Variants in THADA observed in about 807,000 individuals in gnomAD.
THADA encodes the protein tRNA (32-2'-O)-methyltransferase regulator THADA.
Under a neutral mutation model 219.8 loss-of-function variants are expected in THADA, and 213 were observed. The observed-to-expected ratio is 0.97, with a 90% CI of 0.87 to 1.09. The LOEUF (loss-of-function observed/expected upper bound fraction) is 1.09, where lower values mean the gene tolerates loss of function less well. Ranked by LOEUF, THADA falls within the 50% of genes least tolerant of loss-of-function variation. The probability of loss-of-function intolerance (pLI) is 0.00; values close to 1 mark genes in which losing one functional copy is unlikely to be tolerated. For missense variants in THADA, 2,956 were observed against 2,311.3 expected (o/e 1.28, Z -5.72); for synonymous variants, 1,018 against 828.9 (o/e 1.23, Z -3.92).
chr2:43,336,575 ATT>A (rs900492489), intron 30 of THADA, among the ~76,000 whole-genome samples: 39 of 146,764 alleles, frequency 2.7e-4, no homozygotes, highest in African/African-American at 8.9e-4. Context: ...CTCGTCCCCA[ATT>A]TTTTTTTTTT....
chr2:43,388,675 T>A (rs564361348), intron 29 of THADA, among the ~76,000 whole-genome samples: 5 of 152,346 alleles, frequency 3.3e-5, no homozygotes, highest in African/African-American at 9.6e-5. Context: ...TCAGCTCTTA[T>A]AATCTTTAAC....
At chr2:43,435,633 A>AT (rs1679991197) in intron 26 of THADA, among the ~76,000 whole-genome samples, 1 of 151,820 alleles carries the variant, frequency 6.6e-6, no homozygotes, top group African/African-American at 2.4e-5. Flanking sequence ...AAATACAAAA[A>AT]TTAGCCAGTT....
At position 43,430,269 on chromosome 2, in the gene THADA, TG is replaced by T; in HGVS notation, c.3869del (p.Pro1290GlnfsTer14). ...GTTTGAGAAGAAAAGGATAGAGTTC[TG>T]GGAAACGAGAGAAAAACTCTCTCCC... is the stretch of plus-strand genomic sequence containing the variant. ...MTGREFFSRF[P>X]ELYPFLLKQL... On this transcript the variant is annotated frameshift_variant, in exon 27 of 38. Coordinates refer to ENST00000405975, the MANE Select transcript of THADA (RefSeq NM_022065.5). LOFTEE classifies it high-confidence loss of function. 1 of 1,551,564 alleles carries T rather than the reference TG, an allele frequency of 6.4e-7. No homozygotes were observed. Among genetic ancestry groups the T allele is most frequent in the Non-Finnish European group, 8.7e-7 (1 of 1,147,228 alleles).
intron 26 of THADA, among the ~76,000 whole-genome samples, chr2:43,446,300 A>T (rs1681538045): frequency 6.6e-6 from 1 of 152,202 alleles, no homozygotes; most frequent in African/African-American, 2.4e-5. Context: ...CTTCCTTCGA[A>T]GAAGTGGGTC....
At chr2:43,571,252 T>A (rs78107576) in intron 13 of THADA, among the ~76,000 whole-genome samples, 1 of 145,384 alleles carries the variant, frequency 6.9e-6, no homozygotes, top group South Asian at 2.2e-4. Context: ...CAAGACTATT[T>A]TTTTTTTTTT....
chr2:43,468,314 T>C (rs571453122), intron 26 of THADA, among the ~76,000 whole-genome samples: 5 of 152,224 alleles, frequency 3.3e-5, no homozygotes, highest in Non-Finnish European at 7.3e-5. Flanking sequence ...GTATTAACCA[T>C]AGGTTTTTGC....
rs368070353 is a variant in THADA at position 43,455,361 on chromosome 2, C to T, written c.3837-25059G>A. ...CTATATTACAGTATACCTGCTTCTA[C>T]GGAATTCCCGTTTTTAAAAAATCTC... On this transcript the variant is annotated intron_variant, in intron 26 of 37. Transcript: ENST00000405975. 7.3e-5 allele frequency among the ~76,000 whole-genome samples: 11 copies of T among 150,214 alleles called. No homozygotes were observed. In the East Asian group the frequency reaches 7.7e-4, roughly 11 times the overall value.
At chr2:43,402,452 C>A (rs763263029) in intron 28 of THADA, among the ~76,000 whole-genome samples, 2 of 152,134 alleles carry the variant, frequency 1.3e-5, no homozygotes, top group African/African-American at 4.8e-5. Context: ...AAAAAAAGGA[C>A]CATTCTGCTG....
At chr2:43,475,171 C>T (rs541626523) in intron 26 of THADA, among the ~76,000 whole-genome samples, 2 of 152,058 alleles carry the variant, frequency 1.3e-5, no homozygotes, top group Non-Finnish European at 2.9e-5. Context: ...AATCCTATCA[C>T]TTTGGGAGGC....
At chr2:43,288,269 T>A (rs1674281373) in intron 34 of THADA, among the ~76,000 whole-genome samples, 1 of 152,108 alleles carries the variant, frequency 6.6e-6, no homozygotes, top group African/African-American at 2.4e-5. Flanking sequence ...TACACAAAAA[T>A]TAGCTGGACA....
At chr2:43,581,101 G>C (rs986694816) in intron 8 of THADA, among the ~76,000 whole-genome samples, 2 of 152,102 alleles carry the variant, frequency 1.3e-5, no homozygotes, top group African/African-American at 4.8e-5. Flanking sequence ...CTTGTGTTAG[G>C]TGTCACTTTT....
chr2:43,262,656 T>C (rs573892508), intron 36 of THADA, among the ~76,000 whole-genome samples: 9 of 152,388 alleles, frequency 5.9e-5, no homozygotes, highest in Admixed American at 3.9e-4. Context: ...CTTTAGTGAT[T>C]TGAGAGTGTT....
intron 30 of THADA, among the ~76,000 whole-genome samples, chr2:43,326,581 G>A (rs1679362233): frequency 6.6e-6 from 1 of 152,190 alleles, no homozygotes; most frequent in African/African-American, 2.4e-5. Context: ...GAGAGGCAGT[G>A]TCTGGTCCAT....
intron 15 of THADA, 71 bp downstream of exon 15, chr2:43,566,627 A>G (rs758622507): frequency 2.0e-6 from 3 of 1,535,224 alleles, no homozygotes; most frequent in Middle Eastern, 3.4e-4. Flanking sequence ...CTTCAAATAA[A>G]GCAAAATGTA....
Position 43,320,457 on chromosome 2 carries a change from T to C in THADA, c.4427A>G (p.Asp1476Gly). 1.2e-6 allele frequency: 2 copies of C among 1,612,478 alleles called. No homozygotes were observed. The highest frequency in any genetic ancestry group is 2.2e-5 in the East Asian group (1 of 44,866). Residue 1476 changes from aspartate to glycine, a missense_variant, in exon 31 of 38, where the codon GAC (aspartate) becomes GGC (glycine). Physicochemically the swap from Asp to Gly is moderately conservative, Grantham distance 94. Transcript: ENST00000405975. ...ACTATGAATCATACCTGGCTGGTTG[T>C]CCTTTGCAGATCTGTTGAGGCAGCA... ...LTCCLNRSAK[D>G]NQPVLESLGF...
chr2:43,235,412 G>A (rs1572709312), intron 36 of THADA, among the ~76,000 whole-genome samples: 1 of 152,044 alleles, frequency 6.6e-6, no homozygotes, highest in African/African-American at 2.4e-5. Flanking sequence ...TCCTGCCTCA[G>A]CCTCCCAAGT....
intron 28 of THADA, among the ~76,000 whole-genome samples, chr2:43,426,675 C>T (rs1396399786): frequency 6.6e-6 from 1 of 152,208 alleles, no homozygotes; most frequent in African/African-American, 2.4e-5. Context: ...AAGCGCATGC[C>T]AGAACCTCAT....
intron 15 of THADA, chr2:43,562,363 G>C (rs886261857): frequency 6.6e-6 from 1 of 152,296 alleles, no homozygotes; most frequent in Non-Finnish European, 1.5e-5. Flanking sequence ...TCCTGCCTCA[G>C]CCTCCTGAGT....
rs1048565356 is a variant in THADA, at chr2:43,408,726, C to T, written c.4059-10587G>A. Among the ~76,000 whole-genome samples, 3 of 152,198 alleles carry T rather than the reference C, an allele frequency of 2.0e-5. No homozygotes were observed. The South Asian group carries it at 6.2e-4, about 31-fold the overall frequency. On this transcript the variant is annotated intron_variant, in intron 28 of 37. Transcript: ENST00000405975. ...AGTAAATGATCTCCAAAGTCCCCTT[C>T]AAAAACAAAATTCAATCATGGACAT...
Sources: gnomAD v4.1 joint callset for allele counts (sites outside exome capture counted in the v4.1 genomes callset) on GRCh38, gnomAD v4.1.1 for gene constraint, MANE v1.5 for transcripts, NCBI Gene and HGNC (gene_info 2026-07-23, HGNC 2026-07-21) for gene names.